NXPH1: variants seen among roughly 807,000 people sequenced by gnomAD.
The protein encoded by NXPH1 is neurexophilin-1.
A neutral mutation model predicts 23.7 loss-of-function variants in NXPH1; 5 were observed. The ratio of observed to expected loss-of-function variants is 0.21; its 90% confidence interval spans 0.11 to 0.44. The LOEUF (loss-of-function observed/expected upper bound fraction) is 0.44, where lower values mean the gene tolerates loss of function less well. NXPH1 is among the 20% of genes least tolerant of loss of function. The pLI is 0.99. For synonymous variants in NXPH1, 144 were observed against 122.2 expected, an observed-to-expected ratio of 1.18 and a Z score of -1.18; for missense variants, 324 against 321.6, an observed-to-expected ratio of 1.01 and a Z score of -0.06.
chr7:8,721,117 G>C (rs1180600532), intron 2 of NXPH1, among the ~76,000 whole-genome samples: 1 of 152,138 alleles, frequency 6.6e-6, no homozygotes, highest in South Asian at 2.1e-4. Context: ...GATTTTGATA[G>C]TTCTACTGTG....
intron 2 of NXPH1, among the ~76,000 whole-genome samples, chr7:8,625,578 A>G (rs1819969743): frequency 6.6e-6 from 1 of 152,168 alleles, no homozygotes; most frequent in African/African-American, 2.4e-5. Flanking sequence ...AAAATATACA[A>G]TTAGAGGTCT....
chr7:8,551,969 G>C (rs1268763445), intron 2 of NXPH1, among the ~76,000 whole-genome samples: 1 of 151,206 alleles, frequency 6.6e-6, no homozygotes, highest in African/African-American at 2.4e-5. Context: ...TAAATCCTCT[G>C]ATGTCTCTTT....
intron 2 of NXPH1, among the ~76,000 whole-genome samples, chr7:8,530,197 T>C (rs1817929167): frequency 6.6e-6 from 1 of 152,168 alleles, no homozygotes; most frequent in African/African-American, 2.4e-5. Flanking sequence ...GCTGGTTGGC[T>C]AAGGGGTATG....
chr7:8,436,950 G>A (rs1816205773), intron 2 of NXPH1, among the ~76,000 whole-genome samples: 2 of 152,202 alleles, frequency 1.3e-5, no homozygotes, highest in Admixed American at 6.5e-5. Context: ...TGTGAATTCT[G>A]TGTATGTGAG....
intron 2 of NXPH1, among the ~76,000 whole-genome samples, chr7:8,685,331 CCA>C (rs1387822621): frequency 6.6e-6 from 1 of 151,612 alleles, no homozygotes; most frequent in Non-Finnish European, 1.5e-5. Context: ...CTTTTAGATC[CCA>C]CAGATAAGTG....
intron 2 of NXPH1, among the ~76,000 whole-genome samples, chr7:8,591,110 C>A (rs1273538750): frequency 6.6e-6 from 1 of 152,054 alleles, no homozygotes; most frequent in Admixed American, 6.6e-5. Flanking sequence ...ATTTCTCACA[C>A]CTACAGTTAC....
chr7:8,519,363 G>T (rs1180135783), intron 2 of NXPH1, among the ~76,000 whole-genome samples: 2 of 152,246 alleles, frequency 1.3e-5, no homozygotes, highest in East Asian at 3.9e-4. Flanking sequence ...TATATATTCT[G>T]CAATTCACTT....
intron 2 of NXPH1, among the ~76,000 whole-genome samples, chr7:8,667,584 T>A (rs1260895218): frequency 6.6e-6 from 1 of 152,108 alleles, no homozygotes; most frequent in Non-Finnish European, 1.5e-5. Flanking sequence ...ATATATGTGA[T>A]TTGCATCCTT....
intron 2 of NXPH1, among the ~76,000 whole-genome samples, chr7:8,651,052 A>G (rs1425671867): frequency 6.6e-6 from 1 of 150,546 alleles, no homozygotes; most frequent in East Asian, 2.0e-4. Context: ...TACATGTGCC[A>G]TGCTGGTGCG....
At chr7:8,667,843 C>A (rs114428723) in intron 2 of NXPH1, among the ~76,000 whole-genome samples, 3 of 151,974 alleles carry the variant, frequency 2.0e-5, no homozygotes, top group Non-Finnish European at 4.4e-5. Context: ...AAAGCTGTCC[C>A]ATAAATCCCA....
chr7:8,620,585 T>C (rs1049404015), intron 2 of NXPH1, among the ~76,000 whole-genome samples: 6 of 152,308 alleles, frequency 3.9e-5, no homozygotes, highest in Admixed American at 3.3e-4. Context: ...TGACTCCTCA[T>C]GTAGCTTAAG....
chr7:8,589,480 A>G (rs1221190829), intron 2 of NXPH1, among the ~76,000 whole-genome samples: 1 of 152,082 alleles, frequency 6.6e-6, no homozygotes, highest in African/African-American at 2.4e-5. Context: ...TGCTGAAGAC[A>G]TGAGATGGTG....
intron 2 of NXPH1, among the ~76,000 whole-genome samples, chr7:8,519,879 C>T (rs184601523): frequency 1.8e-4 from 28 of 152,226 alleles, no homozygotes; most frequent in African/African-American, 6.0e-4. Context: ...TGGACATGTA[C>T]TTGCATAGAC....
intron 2 of NXPH1, among the ~76,000 whole-genome samples, chr7:8,692,687 G>C (rs150665460): frequency 6.6e-6 from 1 of 152,258 alleles, no homozygotes; most frequent in African/African-American, 2.4e-5. Flanking sequence ...CATATTGACT[G>C]GGTGCTTTGT....
rs537915881 is a variant in NXPH1 at position 8,652,190 on chromosome 7, A to G, written c.55-98818A>G. ...ATTTGATGAAAAAATTTCAACAAACAATGAATTATTATTATAGAAAATGAG... is the reference window on the plus strand; with the variant it reads ...ATTTGATGAAAAAATTTCAACAAACGATGAATTATTATTATAGAAAATGAG... On this transcript the variant is annotated intron_variant, in intron 2 of 2. Coordinates refer to ENST00000405863, the MANE Select transcript of NXPH1 (RefSeq NM_152745.3). 3.9e-5 allele frequency among the ~76,000 whole-genome samples: 6 copies of G among 152,294 alleles called. No individual in the cohort carries two copies. In the South Asian group the frequency reaches 6.2e-4, roughly 16 times the overall value.
chr7:8,576,334 G>A (rs1818755722), intron 2 of NXPH1, among the ~76,000 whole-genome samples: 1 of 152,186 alleles, frequency 6.6e-6, no homozygotes, highest in African/African-American at 2.4e-5. Context: ...TGAGGAGAAT[G>A]TGGCAATCAA....
At chr7:8,612,326 G>A (rs769342407) in intron 2 of NXPH1, among the ~76,000 whole-genome samples, 1 of 150,532 alleles carries the variant, frequency 6.6e-6, no homozygotes, top group East Asian at 2.0e-4. Flanking sequence ...TAATCAAGCA[G>A]CTCAGGGAAT....
At chr7:8,584,872 G>A (rs1460477360) in intron 2 of NXPH1, among the ~76,000 whole-genome samples, 1 of 152,118 alleles carries the variant, frequency 6.6e-6, no homozygotes, top group Non-Finnish European at 1.5e-5. Flanking sequence ...TTTGTACTAT[G>A]TATCTTAAAA....
At chr7:8,740,723 TC>T (rs1365984344) in intron 2 of NXPH1, among the ~76,000 whole-genome samples, 5 of 152,176 alleles carry the variant, frequency 3.3e-5, no homozygotes, top group Admixed American at 1.3e-4. Context: ...GTTTTTTTTT[TC>T]CTTTAAATTT....
Sources: gnomAD v4.1 joint callset for allele counts (sites outside exome capture counted in the v4.1 genomes callset) on GRCh38, gnomAD v4.1.1 for gene constraint, MANE v1.5 for transcripts, NCBI Gene and HGNC (gene_info 2026-07-23, HGNC 2026-07-21) for gene names.